Variants in CENPW observed in about 807,000 individuals in gnomAD.
CENPW encodes the protein cancer-up-regulated gene 2 protein.
In CENPW, 3 loss-of-function variants were observed where a neutral mutation model predicts 11.1. The ratio of observed to expected loss-of-function variants is 0.27; its 90% confidence interval spans 0.12 to 0.70. The LOEUF is 0.70. CENPW is among the 30% of genes least tolerant of loss of function. The pLI is 0.77. For missense variants in CENPW, 100 were observed against 105.6 expected, an observed-to-expected ratio of 0.95 and a Z score of 0.23; for synonymous variants, 38 against 42.0, an observed-to-expected ratio of 0.91 and a Z score of 0.37.
At chr6:126,371,914 T>A in the CENPW span, among the ~76,000 whole-genome samples, 1 of 152,106 alleles carries the variant, frequency 6.6e-6, no homozygotes, top group African/African-American at 2.4e-5. Flanking sequence ...TTCTTTTTCC[T>A]GTGGTATCGG....
chr6:126,434,753 A>G, the CENPW span, among the ~76,000 whole-genome samples: 1 of 152,040 alleles, frequency 6.6e-6, no homozygotes, highest in African/African-American at 2.4e-5. Flanking sequence ...ATTACAATAC[A>G]TATAATAAAA....
At chr6:126,453,496 A>C in the CENPW span, among the ~76,000 whole-genome samples, 8 of 151,184 alleles carry the variant, frequency 5.3e-5, no homozygotes, top group African/African-American at 1.9e-4. Flanking sequence ...CTTTTTAGAC[A>C]AGCAAGTGCT....
chr6:126,457,150 GA>G, the CENPW span, among the ~76,000 whole-genome samples: 24 of 149,328 alleles, frequency 1.6e-4, no homozygotes, highest in East Asian at 3.9e-3. Flanking sequence ...TCCAAAAACT[GA>G]AAAAAAAATT....
chr6:126,346,247 G>A lies in CENPW; in HGVS notation c.169G>A (p.Glu57Lys), dbSNP rs1195300877. 6.2e-7 allele frequency: 1 copy of A among 1,605,762 alleles called. No individual in the cohort carries two copies. Among genetic ancestry groups the A allele is most frequent in the East Asian group, 2.2e-5 (1 of 44,736 alleles). The change falls in exon 2 of 3, where the codon GAG becomes AAG. Residue 57 changes from glutamate (E) to lysine (K), a missense_variant. Physicochemically the swap from Glu to Lys is moderately conservative, Grantham distance 56 (BLOSUM62 1). Transcript: ENST00000368328. ...CLLFVHRLAEESRTNACASKC... is the reference protein window; with the variant it reads ...CLLFVHRLAEKSRTNACASKC... ...ACTGTTTGTTCATCGATTAGCAGAA[G>A]AGTCCAGGACAAACGCTTGTGCGAG...
chr6:126,396,437 CCTTCAAGGTTGAGAG>C, the CENPW span, among the ~76,000 whole-genome samples: 2 of 152,108 alleles, frequency 1.3e-5, no homozygotes, highest in Non-Finnish European at 2.9e-5. Flanking sequence ...TGAAACTCGC[CCTTCAAGGTTGAGAG>C]CTTCCCTCTG....
At chr6:126,432,246 T>TA in the CENPW span, among the ~76,000 whole-genome samples, 18 of 152,164 alleles carry the variant, frequency 1.2e-4, no homozygotes, top group African/African-American at 4.1e-4. Context: ...TCACCCATAC[T>TA]GTCTACTCCC....
intron 2 of CENPW, among the ~76,000 whole-genome samples, chr6:126,348,031 T>G (rs1258655023): frequency 6.6e-6 from 1 of 151,974 alleles, no homozygotes; most frequent in Non-Finnish European, 1.5e-5. Flanking sequence ...TTTATAGTTG[T>G]GAAATGTCTG....
the CENPW span, among the ~76,000 whole-genome samples, chr6:126,404,700 G>A: frequency 9.9e-5 from 15 of 152,008 alleles, no homozygotes; most frequent in African/African-American, 2.2e-4. Context: ...GATAATAGCC[G>A]TTATAACTGC....
chr6:126,392,406 G>T, the CENPW span, among the ~76,000 whole-genome samples: 1 of 151,802 alleles, frequency 6.6e-6, no homozygotes, highest in Non-Finnish European at 1.5e-5. Flanking sequence ...AAGACTTTCA[G>T]TTTTCTCCCA....
the CENPW span, among the ~76,000 whole-genome samples, chr6:126,370,677 G>C: frequency 6.6e-6 from 1 of 151,860 alleles, no homozygotes; most frequent in Non-Finnish European, 1.5e-5. Flanking sequence ...AGTCTTTAGA[G>C]TTTTCTAGGT....
At chr6:126,465,096 C>T in the CENPW span, among the ~76,000 whole-genome samples, 2 of 151,954 alleles carry the variant, frequency 1.3e-5, no homozygotes, top group Non-Finnish European at 2.9e-5. Context: ...AGGATATGAT[C>T]ATTTATATAG....
the CENPW span, among the ~76,000 whole-genome samples, chr6:126,463,168 T>C: frequency 6.6e-6 from 1 of 152,030 alleles, no homozygotes; most frequent in African/African-American, 2.4e-5. Context: ...TGAATACTTT[T>C]CTTCACTGAC....
chr6:126,452,705 G>GA, the CENPW span, among the ~76,000 whole-genome samples: 1 of 150,936 alleles, frequency 6.6e-6, no homozygotes, highest in East Asian at 1.9e-4. Context: ...GTGCAGTACT[G>GA]AAAAAAACTT....
the CENPW span, among the ~76,000 whole-genome samples, chr6:126,413,410 C>A: frequency 6.6e-5 from 10 of 151,938 alleles, no homozygotes; most frequent in Non-Finnish European, 1.5e-4. Flanking sequence ...ACCTTATATG[C>A]CAGGAGAAAA....
chr6:126,416,841 G>C, the CENPW span, among the ~76,000 whole-genome samples: 3 of 152,222 alleles, frequency 2.0e-5, no homozygotes, highest in Non-Finnish European at 4.4e-5. Context: ...GGGTCTCATG[G>C]AGAACCTCTG....
At chr6:126,432,227 T>A in the CENPW span, among the ~76,000 whole-genome samples, 2 of 152,196 alleles carry the variant, frequency 1.3e-5, no homozygotes, top group African/African-American at 2.4e-5. Context: ...TAAATACTCA[T>A]GGCACCTGTC....
At chr6:126,355,060 T>C in the CENPW span, among the ~76,000 whole-genome samples, 1 of 152,182 alleles carries the variant, frequency 6.6e-6, no homozygotes, top group African/African-American at 2.4e-5. Flanking sequence ...AATTTTCACA[T>C]TGAAATTGTG....
the CENPW span, among the ~76,000 whole-genome samples, chr6:126,466,939 A>G: frequency 6.6e-6 from 1 of 152,178 alleles, no homozygotes; most frequent in African/African-American, 2.4e-5. Context: ...ACAGCTAACC[A>G]GAGAGGTGAA....
At chr6:126,404,940 C>T in the CENPW span, among the ~76,000 whole-genome samples, 1 of 150,076 alleles carries the variant, frequency 6.7e-6, no homozygotes, top group Non-Finnish European at 1.5e-5. Flanking sequence ...AATATTTCCT[C>T]TTATTCTGCA....
Sources: gnomAD v4.1 joint callset for allele counts (sites outside exome capture counted in the v4.1 genomes callset) on GRCh38, gnomAD v4.1.1 for gene constraint, MANE v1.5 for transcripts, NCBI Gene and HGNC (gene_info 2026-07-23, HGNC 2026-07-21) for gene names.